PAX4: variants seen among roughly 807,000 people sequenced by gnomAD.
PAX4 encodes the protein paired box protein Pax-4.
In PAX4, 33 loss-of-function variants were observed where a neutral mutation model predicts 40.6. That is an observed-to-expected ratio of 0.81 (90% CI 0.62 to 1.09). The LOEUF (loss-of-function observed/expected upper bound fraction) is 1.09, where lower values mean the gene tolerates loss of function less well. Among genes scored for constraint, PAX4 ranks in the 50% least tolerant of loss-of-function variants. The probability of loss-of-function intolerance (pLI) is 0.00; values close to 1 mark genes in which losing one functional copy is unlikely to be tolerated. For synonymous variants in PAX4, 174 were observed against 170.6 expected (o/e 1.02, Z -0.16); for missense variants, 459 against 442.5 (o/e 1.04, Z -0.33).
Position 127,611,658 on chromosome 7 carries a change from G to T in PAX4, c.790C>A (p.Pro264Thr), listed in dbSNP as rs914982627. ...TCCAGGGCAGGCAGGGCTGCTGTGG[G>T]CACACTGCCAGGGGACTGCTAAAAA... Reference protein sequence around the residue: ...ISAQQSPGSVPTAALPALEPL... With the variant: ...ISAQQSPGSVTTAALPALEPL... Residue 264 changes from proline to threonine, a missense_variant, in exon 11 of 12, where the codon CCC (proline) becomes ACC (threonine). By Grantham distance (38) the Pro-to-Thr change is conservative. Coordinates refer to ENST00000639438, the MANE Select transcript of PAX4 (RefSeq NM_001366110.1). 1.2e-6 allele frequency: 2 copies of T among 1,612,460 alleles called. No homozygotes were observed. The highest frequency in any genetic ancestry group is 2.7e-5 in the African/African-American group (2 of 74,808).
rs773550968 is a variant in PAX4, at chr7:127,614,547, A to T, written c.371T>A (p.Ile124Asn). 6.3e-7 allele frequency: 1 copy of T among 1,592,348 alleles called. No homozygotes were observed. Among genetic ancestry groups the T allele is most frequent in the Admixed American group, 1.8e-5 (1 of 56,948 alleles). Residue 124 changes from isoleucine (I) to asparagine (N), a missense_variant, in exon 6 of 12, where the codon ATC becomes AAC. Transcript: ENST00000639438. ...CTGTAATGCCCGCAGGACTCGGTTG[A>T]TGGAGGAGACCTGGGAGTGTCAGGG... Reference protein sequence around the residue: ...TQDKTPSVSSINRVLRALQED... With the variant: ...TQDKTPSVSSNNRVLRALQED...
rs553371660 is a variant in PAX4, at chr7:127,611,395, T to C, written c.913+140A>G. The C allele has an allele frequency of 3.9e-6, 6 of 1,545,658 alleles. No homozygotes were observed. In the East Asian group the frequency reaches 1.4e-4, roughly 35 times the overall value. ...TCAGGGGTTACTAGTCTCCGTAATT[T>C]TGTGGACCATGCAAAGAATGAGGAA... On this transcript the variant is annotated intron_variant, in intron 11 of 11. Transcript: ENST00000639438.
chr7:127,615,862 C>G, intron 3 of PAX4, 54 bp downstream of exon 3: 1 of 1,535,702 alleles, frequency 6.5e-7, no homozygotes, highest in South Asian at 1.2e-5. Context: ...GCCCTGAGGT[C>G]TTCCCCTGTC....
chr7:127,613,104 A>G lies in PAX4; in HGVS notation c.646-13T>C, dbSNP rs1273814886. On this transcript the variant is annotated splice_polypyrimidine_tract_variant and intron_variant, in intron 8 of 11. Transcript: ENST00000639438. ...TGGAAAACCAGACCTGAGCGAGGAC[A>G]GGGACAATGCAGCTGGCTGTACTTT... 4 of 1,609,954 alleles carry G rather than the reference A, an allele frequency of 2.5e-6. No homozygotes were observed. Among genetic ancestry groups the G allele is most frequent in the Admixed American group, 1.7e-5 (1 of 60,028 alleles).
In PAX4 at chr7:127,615,460, G is replaced by C. The variant is rs1390787190; in HGVS notation, c.85C>G (p.Gln29Glu). 1.9e-6 allele frequency: 3 copies of C among 1,614,100 alleles called. No individual in the cohort carries two copies. Among genetic ancestry groups the C allele is most frequent in the South Asian group, 1.1e-5 (1 of 91,084 alleles). Residue 29 changes from glutamine to glutamate, a missense_variant, in exon 4 of 12, where the codon CAG (glutamine) becomes GAG (glutamate). Transcript: ENST00000639438. ...CCACTGACTGCTAGCCGCACAATCT[G>C]CTGCCGGGTATCCAGAGGCAGGGGC... ...GRPLPLDTRQ[Q>E]IVRLAVSGMR...
Position 127,615,527 on chromosome 7 carries a change from G to A in PAX4, c.18C>T (p.Ile6=). 1 of 1,613,988 alleles carries A rather than the reference G, an allele frequency of 6.2e-7. No individual in the cohort carries two copies. Among genetic ancestry groups the A allele is most frequent in the African/African-American group, 1.3e-5 (1 of 75,034 alleles). The change falls in exon 4 of 12, where the codon ATC becomes ATT. Residue 6 remains isoleucine (I), a synonymous_variant. Coordinates refer to ENST00000639438, the MANE Select transcript of PAX4 (RefSeq NM_001366110.1). ...GCCCCCCAAGCTGGTTCATGCTGCT[G>A]ATCCCTGGGCGTGAGACAGAGGTAT... The part of the protein sequence containing the change: MHQDG[I]SSMNQLGGLF...
At chr7:127,611,465 C>T in intron 11 of PAX4, 70 bp downstream of exon 11, 1 of 1,608,652 alleles carries the variant, frequency 6.2e-7, no homozygotes, top group Non-Finnish European at 8.5e-7. Flanking sequence ...GAGATCCATG[C>T]CCTCCTGGAG....
At position 127,615,899 on chromosome 7, in the gene PAX4, T is replaced by A. The variant is rs1424641843; in HGVS notation, c.13+17A>T. 1 of 1,535,582 alleles carries A rather than the reference T, an allele frequency of 6.5e-7. No homozygotes were observed. Among genetic ancestry groups the A allele is most frequent in the African/African-American group, 1.4e-5 (1 of 72,868 alleles). On this transcript the variant is annotated intron_variant, in intron 3 of 11. Coordinates refer to ENST00000639438, the MANE Select transcript of PAX4 (RefSeq NM_001366110.1). ...CTGTTGTCCTCCCTGTCTTCCCACT[T>A]CCCCCAGGCTCCTCACCGTCCTGAT...
Position 127,612,004 on chromosome 7 carries a change from T to C in PAX4, c.716-4A>G, listed in dbSNP as rs753683077. The stretch of plus-strand genomic sequence containing the variant: ...ACAGTCAGCCCCTGGGAAGCACCTA[T>C]AAAATGAGAGTGAATCCACTCAGAA... On this transcript the variant is annotated splice_region_variant and splice_polypyrimidine_tract_variant and intron_variant, in intron 9 of 11. Coordinates refer to ENST00000639438, the MANE Select transcript of PAX4 (RefSeq NM_001366110.1). 5 of 1,613,786 alleles carry C rather than the reference T, an allele frequency of 3.1e-6. No homozygotes were observed. The highest frequency in any genetic ancestry group is 1.3e-5 in the African/African-American group (1 of 74,982).
intron 10 of PAX4, 71 bp from the exon 11 acceptor site, chr7:127,611,747 G>A: frequency 6.2e-7 from 1 of 1,602,118 alleles, no homozygotes. Flanking sequence ...CGGGACCCCA[G>A]AGCTGCCTGC....
Position 127,613,436 on chromosome 7 carries a change from C to T in PAX4, c.645+14G>A, listed in dbSNP as rs748974134. ...CCTCCTTGTGGTTTGTACAGTGTTGCAGAGCTCACTCACCCTCACCGTGTC... is the reference window on the plus strand; with the variant it reads ...CCTCCTTGTGGTTTGTACAGTGTTGTAGAGCTCACTCACCCTCACCGTGTC... On this transcript the variant is annotated intron_variant, in intron 8 of 11. Transcript: ENST00000639438. 1.9e-6 allele frequency: 3 copies of T among 1,613,088 alleles called. No homozygotes were observed. The Admixed American group carries it at 5.0e-5, about 27-fold the overall frequency.
At chr7:127,613,563 C>T in intron 7 of PAX4, 31 bp from the exon 8 acceptor site, 1 of 1,611,560 alleles carries the variant, frequency 6.2e-7, no homozygotes, top group Non-Finnish European at 8.5e-7. Flanking sequence ...AAAGTAAGGG[C>T]ACCGGGAGAG....
At chr7:127,612,467 G>GTGGATGGA (rs68012321) in intron 9 of PAX4, among the ~76,000 whole-genome samples, 2,570 of 141,906 alleles carry the variant, frequency 0.018, 74 homozygotes, top group African/African-American at 0.066. Flanking sequence ...GAATGAATGG[G>GTGGATGGA]TGGATGGATG....
chr7:127,612,456 T>A lies in PAX4; in HGVS notation c.716-456A>T, dbSNP rs886520727. Among the ~76,000 whole-genome samples, 9 of 146,974 alleles carry A rather than the reference T, an allele frequency of 6.1e-5. No homozygotes were observed. The South Asian group carries it at 1.8e-3, about 29-fold the overall frequency. On this transcript the variant is annotated intron_variant, in intron 9 of 11. Transcript: ENST00000639438. ...ATGAGCAGATGCATGGATGGATGCA[T>A]GAATGAATGGGTGGATGGATGGATG...
At position 127,613,384 on chromosome 7, in the gene PAX4, C is replaced by T. The variant is rs992164679; in HGVS notation, c.645+66G>A. The T allele has an allele frequency of 5.3e-6, 8 of 1,517,294 alleles. No homozygotes were observed. In the African/African-American group the frequency reaches 1.1e-4, roughly 21 times the overall value. The allele number at this position is 1,517,294 out of a possible 1,614,324, so 94.0% of individuals were successfully genotyped here. On this transcript the variant is annotated intron_variant, in intron 8 of 11. Coordinates refer to ENST00000639438, the MANE Select transcript of PAX4 (RefSeq NM_001366110.1). ...CCTCCCCTCTCCACCTCATTGGAAC[C>T]CAAAGCCCTGGCCGGCCCAGACTCT...
At chr7:127,613,917 A>G (rs746120631) in intron 6 of PAX4, 36 bp from the exon 7 acceptor site, 1 of 1,612,674 alleles carries the variant, frequency 6.2e-7, no homozygotes, top group Non-Finnish European at 8.5e-7. Context: ...GTGGTTTGTG[A>G]TGGTGATTCC....
rs1442577286 is a variant in PAX4, at chr7:127,611,663, C to T, written c.785G>A (p.Ser262Asn). 1.9e-6 allele frequency: 3 copies of T among 1,612,192 alleles called. No individual in the cohort carries two copies. Among genetic ancestry groups the T allele is most frequent in the South Asian group, 1.1e-5 (1 of 91,068 alleles). ...GIISAQQSPG[S>N]VPTAALPALE... ...GGCAGGCAGGGCTGCTGTGGGCACACTGCCAGGGGACTGCTAAAAAAAAAA... is the reference window on the plus strand; with the variant it reads ...GGCAGGCAGGGCTGCTGTGGGCACATTGCCAGGGGACTGCTAAAAAAAAAA... The change falls in exon 11 of 12, where the codon AGT becomes AAT. Residue 262 changes from serine to asparagine, a missense_variant. Ser to Asn is a conservative substitution (Grantham distance 46). Coordinates refer to ENST00000639438, the MANE Select transcript of PAX4 (RefSeq NM_001366110.1).
At chr7:127,614,630 A>G (rs1424201197) in intron 5 of PAX4, 73 bp from the exon 6 acceptor site, 2 of 1,327,874 alleles carry the variant, frequency 1.5e-6, no homozygotes, top group Non-Finnish European at 2.1e-6. Flanking sequence ...TGTTGCCCTT[A>G]ATATCCTTTT....
rs759186282 is a variant in PAX4 at position 127,610,342 on chromosome 7, A to G, written c.*722T>C. The G allele has an allele frequency of 6.4e-6, 1 of 155,596 alleles. No individual in the cohort carries two copies. The highest frequency in any genetic ancestry group is 2.4e-5 in the African/African-American group (1 of 41,466). The allele number at this position is 155,596 out of a possible 1,614,324, so 9.6% of individuals were successfully genotyped here. On this transcript the variant is annotated 3_prime_UTR_variant, in exon 12 of 12. Coordinates refer to ENST00000639438, the MANE Select transcript of PAX4 (RefSeq NM_001366110.1). The stretch of plus-strand genomic sequence containing the variant: ...CTGTTTGCTGCTATGACAAAAATAC[A>G]TATGCAAATACAAAATACATATGCA...
Sources: allele counts gnomAD v4.1 joint callset (sites outside exome capture counted in the v4.1 genomes callset), GRCh38; gene constraint gnomAD v4.1.1; transcripts MANE v1.5; gene names NCBI Gene and HGNC (gene_info 2026-07-23, HGNC 2026-07-21).